ADAM22: variants seen among roughly 807,000 people sequenced by gnomAD.
The protein encoded by ADAM22 is disintegrin and metalloproteinase domain-containing protein 22.
ADAM22 carries 65 observed loss-of-function variants against 144.6 expected under a neutral mutation model. That is an observed-to-expected ratio of 0.45 (90% CI 0.37 to 0.55). The LOEUF (loss-of-function observed/expected upper bound fraction) is 0.55. ADAM22 is among the 20% of genes least tolerant of loss of function. ADAM22 has a pLI of 0.00. For missense variants in ADAM22, 974 were observed against 1,184.9 expected, an observed-to-expected ratio of 0.82 and a Z score of 2.61; for synonymous variants, 391 against 412.6, an observed-to-expected ratio of 0.95 and a Z score of 0.63.
chr7:87,941,693 C>G (rs1479567623), intron 2 of ADAM22, among the ~76,000 whole-genome samples: 1 of 151,984 alleles, frequency 6.6e-6, no homozygotes, highest in Non-Finnish European at 1.5e-5. Context: ...AGGAGTTTCC[C>G]TTAGTCTTGT....
intron 4 of ADAM22, among the ~76,000 whole-genome samples, chr7:88,098,083 G>A (rs1051970326): frequency 1.3e-5 from 2 of 152,132 alleles, no homozygotes; most frequent in Admixed American, 1.3e-4. Flanking sequence ...TGTTATATTA[G>A]TGGGTGTCTA....
chr7:87,961,386 T>A (rs1847963236), intron 2 of ADAM22, among the ~76,000 whole-genome samples: 1 of 152,208 alleles, frequency 6.6e-6, no homozygotes, highest in African/African-American at 2.4e-5. Flanking sequence ...GTATTTTTGG[T>A]TTCATCCTGT....
rs2129448468 is a variant in ADAM22, at chr7:87,976,775, G to A, written c.247-1561G>A. Among the ~76,000 whole-genome samples the A allele has an allele frequency of 2.0e-5, 3 of 152,218 alleles. 1 individual carries two copies. In the Middle Eastern group the frequency reaches 0.01, roughly 521 times the overall value. On this transcript the variant is annotated intron_variant, in intron 2 of 31. Transcript: ENST00000413139. The stretch of plus-strand genomic sequence containing the variant: ...GAGCAGAAGAGAGAACTGAGTGTAG[G>A]TGGGCTATGGGTAGGTGCTTATGTA...
chr7:88,177,817 A>C (rs1846045448), intron 26 of ADAM22, among the ~76,000 whole-genome samples: 2 of 152,222 alleles, frequency 1.3e-5, no homozygotes, highest in African/African-American at 4.8e-5. Flanking sequence ...AATAATCAAA[A>C]TTATAATGGT....
At chr7:88,132,831 T>G (rs1406414829) in intron 11 of ADAM22, 36 bp from the exon 12 acceptor site, 1 of 1,572,268 alleles carries the variant, frequency 6.4e-7, no homozygotes, top group East Asian at 2.2e-5. Context: ...GTTTGAACTG[T>G]GAACAGTAAG....
chr7:88,190,882 C>G (rs1849467054), intron 30 of ADAM22, among the ~76,000 whole-genome samples: 1 of 152,110 alleles, frequency 6.6e-6, no homozygotes, highest in African/African-American at 2.4e-5. Flanking sequence ...GACCCTTTCC[C>G]CTGCTAAAAC....
At chr7:88,088,656 G>A (rs1482210374) in intron 4 of ADAM22, among the ~76,000 whole-genome samples, 5 of 152,130 alleles carry the variant, frequency 3.3e-5, no homozygotes, top group African/African-American at 4.8e-5. Flanking sequence ...AATTTCTTGC[G>A]ATCTCAAATT....
At chr7:88,057,284 G>A (rs1808529256) in intron 3 of ADAM22, among the ~76,000 whole-genome samples, 1 of 152,052 alleles carries the variant, frequency 6.6e-6, no homozygotes, top group Non-Finnish European at 1.5e-5. Flanking sequence ...TTTTAATGAT[G>A]GAATAACATC....
chr7:88,134,026 T>C lies in ADAM22; in HGVS notation c.1078-303T>C, dbSNP rs1402141198. On this transcript the variant is annotated intron_variant, in intron 12 of 31. Transcript: ENST00000413139. ...AAAGACGGATTTAATTATATACCAATATTGAATTTTTCAAGAATGTCACTG... is the reference window on the plus strand; with the variant it reads ...AAAGACGGATTTAATTATATACCAACATTGAATTTTTCAAGAATGTCACTG... Among the ~76,000 whole-genome samples, 3 of 152,200 alleles carry C rather than the reference T, an allele frequency of 2.0e-5. No individual in the cohort carries two copies. In the East Asian group the frequency reaches 5.8e-4, roughly 29 times the overall value.
intron 18 of ADAM22, among the ~76,000 whole-genome samples, chr7:88,150,101 T>G (rs1423265714): frequency 6.6e-6 from 1 of 152,200 alleles, no homozygotes; most frequent in African/African-American, 2.4e-5. Context: ...CACAATCACC[T>G]TATTCACCGA....
intron 2 of ADAM22, among the ~76,000 whole-genome samples, chr7:87,946,133 G>C (rs1269626043): frequency 6.6e-6 from 1 of 152,114 alleles, no homozygotes; most frequent in Non-Finnish European, 1.5e-5. Flanking sequence ...GATGATTAGT[G>C]ATGTTGAGCA....
chr7:87,986,830 A>T (rs1788601795), intron 3 of ADAM22, among the ~76,000 whole-genome samples: 1 of 152,152 alleles, frequency 6.6e-6, no homozygotes, highest in Admixed American at 6.5e-5. Flanking sequence ...TAGCATACTT[A>T]TGAGCCTGTT....
chr7:87,940,889 G>A (rs1842338789), intron 2 of ADAM22, among the ~76,000 whole-genome samples: 1 of 152,094 alleles, frequency 6.6e-6, no homozygotes, highest in Admixed American at 6.5e-5. Flanking sequence ...TTCTGTGTAG[G>A]CAAGATATCA....
chr7:88,102,332 G>C (rs561888878), intron 4 of ADAM22, among the ~76,000 whole-genome samples: 1 of 152,150 alleles, frequency 6.6e-6, no homozygotes, highest in Non-Finnish European at 1.5e-5. Context: ...GGGAAGGCCC[G>C]GGCATCAGTT....
At chr7:87,947,517 T>TAA (rs796193456) in intron 2 of ADAM22, among the ~76,000 whole-genome samples, 2 of 139,170 alleles carry the variant, frequency 1.4e-5, no homozygotes, top group Non-Finnish European at 1.6e-5. Flanking sequence ...TCCTCTAAAG[T>TAA]AAAAAAAAAA....
intron 18 of ADAM22, 34 bp from the exon 19 acceptor site, chr7:88,150,947 T>G: frequency 1.3e-6 from 2 of 1,565,752 alleles, no homozygotes; most frequent in Non-Finnish European, 1.8e-6. Context: ...TATTTTGCAC[T>G]GCATTTCATT....
chr7:88,175,978 T>C (rs1445052109), intron 26 of ADAM22, among the ~76,000 whole-genome samples: 1 of 152,134 alleles, frequency 6.6e-6, no homozygotes, highest in Non-Finnish European at 1.5e-5. Flanking sequence ...AGTATTGTTA[T>C]TATTATTTTT....
At chr7:87,973,481 C>T (rs929055725) in intron 2 of ADAM22, among the ~76,000 whole-genome samples, 19 of 152,156 alleles carry the variant, frequency 1.2e-4, no homozygotes, top group African/African-American at 4.3e-4. Context: ...CACTTTTACA[C>T]TGTTGGTGGG....
At chr7:88,183,393 A>G (rs567204636) in intron 29 of ADAM22, among the ~76,000 whole-genome samples, 6 of 152,302 alleles carry the variant, frequency 3.9e-5, no homozygotes, top group Middle Eastern at 3.4e-3. Context: ...GTGTTCTAAC[A>G]GCATTTCCTA....
Sources: gnomAD v4.1 joint callset for allele counts (sites outside exome capture counted in the v4.1 genomes callset) on GRCh38, gnomAD v4.1.1 for gene constraint, MANE v1.5 for transcripts, NCBI Gene and HGNC (gene_info 2026-07-23, HGNC 2026-07-21) for gene names.